DHX36: variants seen among roughly 807,000 people sequenced by gnomAD.
DHX36 encodes DEAH-box helicase 36.
DHX36 carries 50 observed loss-of-function variants against 139.0 expected under a neutral mutation model. The ratio of observed to expected loss-of-function variants is 0.36; its 90% confidence interval spans 0.29 to 0.46. The LOEUF (loss-of-function observed/expected upper bound fraction) is 0.46, where lower values mean the gene tolerates loss of function less well. Ranked by LOEUF, DHX36 falls within the 20% of genes least tolerant of loss-of-function variation. DHX36 has a pLI of 1.00. For synonymous variants in DHX36, 425 were observed against 401.9 expected (o/e 1.06, Z -0.69); for missense variants, 1,024 against 1,211.3 (o/e 0.85, Z 2.29).
Position 154,276,375 on chromosome 3 carries a change from T to C in DHX36, c.2842-19A>G. ...TTAATTCCTAAGGTTGGAAAAATTATACATGTTCAACAAAGGCAGATATAT... is the reference window on the plus strand; with the variant it reads ...TTAATTCCTAAGGTTGGAAAAATTACACATGTTCAACAAAGGCAGATATAT... On this transcript the variant is annotated intron_variant, in intron 24 of 24. Transcript: ENST00000496811. 1 of 1,599,130 alleles carries C rather than the reference T, an allele frequency of 6.3e-7. No individual in the cohort carries two copies. The highest frequency in any genetic ancestry group is 8.5e-7 in the Non-Finnish European group (1 of 1,172,540).
At chr3:154,297,929 T>C (rs1319414039) in intron 12 of DHX36, among the ~76,000 whole-genome samples, 1 of 152,134 alleles carries the variant, frequency 6.6e-6, no homozygotes, top group African/African-American at 2.4e-5. Flanking sequence ...TTGATAAGCA[T>C]TTAATAAACT....
intron 22 of DHX36, chr3:154,279,605 A>G (rs1458807466): frequency 6.6e-6 from 1 of 152,216 alleles, no homozygotes; most frequent in East Asian, 1.9e-4. Flanking sequence ...TCTTGACTTT[A>G]GTACTACTGA....
At chr3:154,308,827 G>C (rs1002318763) in intron 5 of DHX36, among the ~76,000 whole-genome samples, 4 of 152,050 alleles carry the variant, frequency 2.6e-5, no homozygotes, top group African/African-American at 7.2e-5. Context: ...TTTTGGACTT[G>C]ACAAACCAGA....
intron 17 of DHX36, among the ~76,000 whole-genome samples, chr3:154,286,553 G>A (rs1559947032): frequency 6.6e-6 from 1 of 150,908 alleles, no homozygotes; most frequent in African/African-American, 2.4e-5. Context: ...TTAAATATTT[G>A]AAATCTAAAT....
chr3:154,283,479 C>G (rs1719395518), intron 19 of DHX36, among the ~76,000 whole-genome samples: 1 of 151,986 alleles, frequency 6.6e-6, no homozygotes, highest in African/African-American at 2.4e-5. Flanking sequence ...CACTGAAGTT[C>G]CAGACCTTTA....
chr3:154,284,823 G>A lies in DHX36; in HGVS notation c.2196C>T (p.Val732=). ...AASLSFKDPF[V]IPLGKEKIAD... is the part of the protein sequence containing the mutation. ...TTTCCATTTTTCTTACCAGTGGAAT[G>A]ACAAATGGATCTTTGAAACTGAGAC... The change falls in exon 18 of 25, where the codon GTC becomes GTT. Residue 732 remains valine (V), a synonymous_variant. Coordinates refer to ENST00000496811, the MANE Select transcript of DHX36 (RefSeq NM_020865.3). The A allele has an allele frequency of 1.2e-6, 2 of 1,613,610 alleles. No individual in the cohort carries two copies. Among genetic ancestry groups the A allele is most frequent in the South Asian group, 2.2e-5 (2 of 90,986 alleles).
chr3:154,312,898 T>TATATATATAA (rs1712828526), intron 3 of DHX36, among the ~76,000 whole-genome samples: 1 of 71,074 alleles, frequency 1.4e-5, no homozygotes, highest in African/African-American at 5.7e-5. Flanking sequence ...TATATATATA[T>TATATATATAA]ATAAAATAAA....
intron 13 of DHX36, among the ~76,000 whole-genome samples, chr3:154,294,738 A>T (rs1465727388): frequency 6.6e-6 from 1 of 152,122 alleles, no homozygotes; most frequent in African/African-American, 2.4e-5. Flanking sequence ...TTTCTAATCA[A>T]TTTCATTTTG....
At chr3:154,296,780 T>C (rs1054504148) in intron 12 of DHX36, among the ~76,000 whole-genome samples, 6 of 152,184 alleles carry the variant, frequency 3.9e-5, no homozygotes, top group Admixed American at 3.9e-4. Context: ...ATCTAAAGGA[T>C]ATGATGATCC....
intron 3 of DHX36, chr3:154,311,889 A>G (rs1712775661): frequency 2.4e-6 from 1 of 423,512 alleles, no homozygotes; most frequent in Non-Finnish European, 4.1e-6. Flanking sequence ...AGCAAAATAG[A>G]GACAATGCTT....
At chr3:154,291,373 A>G (rs1177750811) in intron 15 of DHX36, among the ~76,000 whole-genome samples, 3 of 152,192 alleles carry the variant, frequency 2.0e-5, no homozygotes, top group Non-Finnish European at 2.9e-5. Flanking sequence ...TCTAAGGCTT[A>G]GTATGTTTAT....
At chr3:154,317,462 G>A (rs1047275620) in intron 1 of DHX36, among the ~76,000 whole-genome samples, 3 of 152,016 alleles carry the variant, frequency 2.0e-5, no homozygotes, top group African/African-American at 4.8e-5. Flanking sequence ...CTCCAAAGAT[G>A]AGGACAGACG....
chr3:154,311,737 A>AT, intron 3 of DHX36, 63 bp from the exon 4 acceptor site: 1 of 1,333,088 alleles, frequency 7.5e-7, no homozygotes. Context: ...TAATCATGGT[A>AT]TTTAGGATAC....
At chr3:154,289,638 CT>C in intron 16 of DHX36, 70 bp downstream of exon 16, 1 of 912,318 alleles carries the variant, frequency 1.1e-6, no homozygotes, top group Non-Finnish European at 1.8e-6. Flanking sequence ...TAATACAGTA[CT>C]TTGTTCTACA....
At chr3:154,319,032 G>A (rs1008897617) in intron 1 of DHX36, 8 of 152,058 alleles carry the variant, frequency 5.3e-5, no homozygotes, top group African/African-American at 1.9e-4. Context: ...TTTTAATGAT[G>A]TTCTCCCCAC....
rs1018414450 is a variant in DHX36 at position 154,280,516 on chromosome 3, G to A, written c.2567+63C>T. ...ATTTATAATATAAGCCTTGTTACAT[G>A]AGCAGATTTCAAAAGTTTAAGAAGA... On this transcript the variant is annotated intron_variant, in intron 22 of 24. Transcript: ENST00000496811. The A allele has an allele frequency of 1.4e-5, 16 of 1,153,024 alleles. No individual in the cohort carries two copies. The African/African-American group carries it at 1.4e-4, about 10-fold the overall frequency. The allele number at this position is 1,153,024 out of a possible 1,614,324, so 71.4% of individuals were successfully genotyped here.
Position 154,289,659 on chromosome 3 carries a change from G to GTTCTAC in DHX36, c.1932+49_1932+50insGTAGAA, listed in dbSNP as rs1465084691. 6 of 1,076,062 alleles carry GTTCTAC rather than the reference G, an allele frequency of 5.6e-6. No homozygotes were observed. In the South Asian group the frequency reaches 6.4e-5, roughly 11 times the overall value. The allele number at this position is 1,076,062 out of a possible 1,614,324, so 66.7% of individuals were successfully genotyped here. On this transcript the variant is annotated intron_variant, in intron 16 of 24. Coordinates refer to ENST00000496811, the MANE Select transcript of DHX36 (RefSeq NM_020865.3). ...AGTACTTTGTTCTACAAAAGATGTT[G>GTTCTAC]AAAATGAGATCACTTCCATTTAGTT...
chr3:154,322,392 A>G (rs1267380080), intron 1 of DHX36, among the ~76,000 whole-genome samples: 1 of 152,260 alleles, frequency 6.6e-6, no homozygotes, highest in African/African-American at 2.4e-5. Context: ...TAAAGCACAG[A>G]CAATGCAGAG....
Position 154,280,677 on chromosome 3 carries a change from G to C in DHX36, c.2477-8C>G. The C allele has an allele frequency of 6.2e-7, 1 of 1,609,444 alleles. No individual in the cohort carries two copies. The highest frequency in any genetic ancestry group is 8.5e-7 in the Non-Finnish European group (1 of 1,176,294). On this transcript the variant is annotated splice_region_variant and splice_polypyrimidine_tract_variant and intron_variant, in intron 21 of 24. Coordinates refer to ENST00000496811, the MANE Select transcript of DHX36 (RefSeq NM_020865.3). ...TAATTATCTTCTCATTATCTATGGG[G>C]GGTGAGAAGGTAGAGGGGAAAAGAA...
Sources: allele counts gnomAD v4.1 joint callset (sites outside exome capture counted in the v4.1 genomes callset), GRCh38; gene constraint gnomAD v4.1.1; transcripts MANE v1.5; gene names NCBI Gene and HGNC (gene_info 2026-07-23, HGNC 2026-07-21).